The following BARD1 variants were observed in gnomAD, a reference collection of about 807,000 sequenced individuals.
The protein encoded by BARD1 is BRCA1-associated RING domain protein 1.
A neutral mutation model predicts 77.0 loss-of-function variants in BARD1; 73 were observed. The observed-to-expected ratio is 0.95, with a 90% CI of 0.79 to 1.15. BARD1 has a LOEUF of 1.15. Ranked by LOEUF, BARD1 falls within the 50% of genes most tolerant of loss-of-function variation. BARD1 has a pLI of 0.00. For synonymous variants in BARD1, 384 were observed against 338.0 expected (o/e 1.14, Z -1.49); for missense variants, 993 against 938.8 (o/e 1.06, Z -0.75).
chr2:214,745,289 T>G (rs1693050913), intron 8 of BARD1, 130 bp from the exon 9 acceptor site: 6 of 766,868 alleles, frequency 7.8e-6, no homozygotes, highest in African/African-American at 1.7e-5. Flanking sequence ...TTTTTACACT[T>G]AAGTGTAAGA....
chr2:214,737,149 A>G (rs1692603249), intron 9 of BARD1, among the ~76,000 whole-genome samples: 1 of 152,148 alleles, frequency 6.6e-6, no homozygotes, highest in Non-Finnish European at 1.5e-5. Flanking sequence ...GGTAGATTAC[A>G]TAAATGTGTG....
chr2:214,795,902 C>T (rs1695734500), intron 2 of BARD1, among the ~76,000 whole-genome samples: 1 of 152,132 alleles, frequency 6.6e-6, no homozygotes, highest in African/African-American at 2.4e-5. Flanking sequence ...CAGGTTCCAT[C>T]TCCTACCCCC....
intron 9 of BARD1, among the ~76,000 whole-genome samples, chr2:214,731,674 T>C (rs975573111): frequency 2.6e-5 from 4 of 152,214 alleles, no homozygotes; most frequent in African/African-American, 4.8e-5. Context: ...AAACCCTCCA[T>C]ACAATTTCCT....
chr2:214,752,991 C>T (rs1039973657), intron 6 of BARD1, among the ~76,000 whole-genome samples: 3 of 152,078 alleles, frequency 2.0e-5, no homozygotes, highest in Non-Finnish European at 2.9e-5. Context: ...TGCCACATAA[C>T]AAACAGTTTA....
chr2:214,781,646 G>C (rs541312923), intron 3 of BARD1, 137 bp from the exon 4 acceptor site: 7 of 687,658 alleles, frequency 1.0e-5, no homozygotes, highest in Admixed American at 5.7e-5. Context: ...CTCCTAGAGT[G>C]TGAACTCTTT....
At chr2:214,801,595 C>G (rs942431324) in intron 1 of BARD1, among the ~76,000 whole-genome samples, 2 of 152,194 alleles carry the variant, frequency 1.3e-5, no homozygotes, top group Admixed American at 6.5e-5. Flanking sequence ...GTGTCTCTTA[C>G]AACTATTATT....
intron 1 of BARD1, among the ~76,000 whole-genome samples, chr2:214,798,772 GAA>G (rs10707828): frequency 0.16 from 20,155 of 127,558 alleles, 1,397 homozygotes; most frequent in Non-Finnish European, 0.2. Context: ...ATTAAAAAAA[GAA>G]AAAAAAAAAA....
chr2:214,748,378 C>T (rs1240801069), intron 7 of BARD1, among the ~76,000 whole-genome samples: 1 of 151,844 alleles, frequency 6.6e-6, no homozygotes, highest in Non-Finnish European at 1.5e-5. Flanking sequence ...CAAAAAACAC[C>T]CCAAAGGTTT....
At chr2:214,756,053 A>G (rs1693681188) in intron 6 of BARD1, among the ~76,000 whole-genome samples, 1 of 152,170 alleles carries the variant, frequency 6.6e-6, no homozygotes, top group Non-Finnish European at 1.5e-5. Context: ...TATGTAGATA[A>G]TATACTTTAC....
chr2:214,795,090 C>G (rs1445004538), intron 2 of BARD1, among the ~76,000 whole-genome samples: 1 of 152,078 alleles, frequency 6.6e-6, no homozygotes, highest in African/African-American at 2.4e-5. Flanking sequence ...CTATTGTATA[C>G]AGTGAGCAAA....
intron 9 of BARD1, among the ~76,000 whole-genome samples, chr2:214,735,868 T>C (rs1425874664): frequency 1.3e-5 from 2 of 152,096 alleles, no homozygotes; most frequent in Admixed American, 1.3e-4. Context: ...CTTTCCTGAA[T>C]TGGGTCATTA....
At chr2:214,790,650 T>C (rs80236921) in intron 3 of BARD1, among the ~76,000 whole-genome samples, 147 of 152,306 alleles carry the variant, frequency 9.7e-4, no homozygotes, top group African/African-American at 3.3e-3. Context: ...AGCAAATGAA[T>C]ACATTACTAT....
At chr2:214,743,983 CACTAATCTTTTGTAACT>C (rs1474185076) in intron 9 of BARD1, among the ~76,000 whole-genome samples, 12 of 152,102 alleles carry the variant, frequency 7.9e-5, no homozygotes, top group Admixed American at 2.6e-4. Context: ...CCTCTGTAAC[CACTAATCTTTTGTAACT>C]ACTAATCTTT....
chr2:214,779,714 C>G (rs1694890313), intron 4 of BARD1, among the ~76,000 whole-genome samples: 1 of 152,184 alleles, frequency 6.6e-6, no homozygotes, highest in South Asian at 2.1e-4. Flanking sequence ...TCCCAAAGTT[C>G]TCTACCCATC....
chr2:214,739,658 G>C (rs1692724422), intron 9 of BARD1, among the ~76,000 whole-genome samples: 1 of 152,022 alleles, frequency 6.6e-6, no homozygotes, highest in Non-Finnish European at 1.5e-5. Context: ...ATAGCGAAAA[G>C]TGAAAGGACA....
intron 10 of BARD1, among the ~76,000 whole-genome samples, chr2:214,729,578 C>A (rs979395731): frequency 1.3e-5 from 2 of 152,100 alleles, no homozygotes; most frequent in Non-Finnish European, 2.9e-5. Context: ...GATTCAGTCA[C>A]CATCTCGGTT....
At chr2:214,749,998 G>C (rs1390020133) in intron 7 of BARD1, among the ~76,000 whole-genome samples, 1 of 152,104 alleles carries the variant, frequency 6.6e-6, no homozygotes, top group African/African-American at 2.4e-5. Flanking sequence ...GCTCATGAAA[G>C]CATCTATGAG....
chr2:214,775,945 A>G (rs1441352779), intron 4 of BARD1, among the ~76,000 whole-genome samples: 1 of 152,208 alleles, frequency 6.6e-6, no homozygotes, highest in East Asian at 1.9e-4. Flanking sequence ...ACAATATAAC[A>G]TGACTGTCTT....
chr2:214,766,227 G>T (rs1478886337), intron 6 of BARD1, among the ~76,000 whole-genome samples: 1 of 152,120 alleles, frequency 6.6e-6, no homozygotes, highest in African/African-American at 2.4e-5. Context: ...ATTCACTAAT[G>T]CATCTCTGTG....
Sources: allele counts gnomAD v4.1 joint callset (sites outside exome capture counted in the v4.1 genomes callset), GRCh38; gene constraint gnomAD v4.1.1; transcripts MANE v1.5; gene names NCBI Gene and HGNC (gene_info 2026-07-23, HGNC 2026-07-21).